Variants in UBE2L3 observed in about 807,000 individuals in gnomAD.
UBE2L3 encodes the protein ubiquitin-conjugating enzyme E2 L3.
A neutral mutation model predicts 17.8 loss-of-function variants in UBE2L3; 1 was observed. That is an observed-to-expected ratio of 0.06 (90% CI 0.02 to 0.27). UBE2L3 has a LOEUF of 0.27. UBE2L3 is among the 10% of genes least tolerant of loss of function. The pLI, the probability that UBE2L3 is intolerant of heterozygous loss-of-function variation, is 1.00. For missense variants in UBE2L3, 40 were observed against 192.6 expected (o/e 0.21, Z 4.69); for synonymous variants, 44 against 68.5 (o/e 0.64, Z 1.76).
At chr22:21,561,199 C>T (rs1453713382) in intron 1 of UBE2L3, among the ~76,000 whole-genome samples, 1 of 152,288 alleles carries the variant, frequency 6.6e-6, no homozygotes, top group East Asian at 1.9e-4. Context: ...TCAGTTTTTT[C>T]CTCTGTAAAT....
intron 1 of UBE2L3, among the ~76,000 whole-genome samples, chr22:21,562,120 G>A (rs1324923515): frequency 6.6e-6 from 1 of 151,496 alleles, no homozygotes; most frequent in African/African-American, 2.4e-5. Flanking sequence ...AACACCGTCT[G>A]GTGTTTTCCT....
intron 1 of UBE2L3, among the ~76,000 whole-genome samples, chr22:21,586,231 G>A (rs1479266482): frequency 2.0e-5 from 3 of 152,096 alleles, no homozygotes; most frequent in South Asian, 2.1e-4. Context: ...GTGAGCCACC[G>A]CCCCTGGCTC....
intron 1 of UBE2L3, among the ~76,000 whole-genome samples, chr22:21,588,276 C>G (rs1928054916): frequency 6.6e-6 from 1 of 152,110 alleles, no homozygotes; most frequent in Non-Finnish European, 1.5e-5. Context: ...AATTCCACTT[C>G]TTGGAATTTA....
intron 1 of UBE2L3, among the ~76,000 whole-genome samples, chr22:21,583,046 C>T (rs1279404666): frequency 6.6e-6 from 1 of 152,206 alleles, no homozygotes; most frequent in Non-Finnish European, 1.5e-5. Context: ...GGGGCTTGGC[C>T]ATGCACCCTG....
intron 3 of UBE2L3, among the ~76,000 whole-genome samples, chr22:21,616,718 G>C (rs1929796803): frequency 6.6e-6 from 1 of 150,468 alleles, no homozygotes; most frequent in African/African-American, 2.5e-5. Context: ...CCAGCTACTT[G>C]GGGGGCAAAA....
At chr22:21,599,589 T>C (rs191852566) in intron 2 of UBE2L3, among the ~76,000 whole-genome samples, 144 of 152,074 alleles carry the variant, frequency 9.5e-4, no homozygotes, top group Non-Finnish European at 1.8e-3. Flanking sequence ...AGGGTGACAA[T>C]ATCTGGACTG....
At chr22:21,568,501 C>A in intron 1 of UBE2L3, 1 of 907,020 alleles carries the variant, frequency 1.1e-6, no homozygotes, top group Non-Finnish European at 1.3e-6. Context: ...GGGGGGATAA[C>A]GGTTGATTTC....
Position 21,610,979 on chromosome 22 carries a change from G to A in UBE2L3, c.246G>A (p.Lys82=). Reference sequence around the variant, plus strand: ...TCTATCACCCAAACATCGACGAAAAGGGGCAGGTCTGTCTGCCAGTAATTA... The same window carrying A: ...TCTATCACCCAAACATCGACGAAAAAGGGCAGGTCTGTCTGCCAGTAATTA... ...TKIYHPNIDE[K]GQVCLPVISA... The change falls in exon 3 of 4, where the codon AAG becomes AAA. Residue 82 remains lysine (K), a synonymous_variant. Coordinates refer to ENST00000342192, the MANE Select transcript of UBE2L3 (RefSeq NM_003347.4). The A allele has an allele frequency of 1.2e-6, 2 of 1,613,156 alleles. No individual in the cohort carries two copies. Among genetic ancestry groups the A allele is most frequent in the Admixed American group, 3.3e-5 (2 of 59,760 alleles).
At chr22:21,572,703 C>CT (rs1568971038) in intron 1 of UBE2L3, among the ~76,000 whole-genome samples, 14 of 152,254 alleles carry the variant, frequency 9.2e-5, no homozygotes, top group Non-Finnish European at 1.9e-4. Context: ...GCCACAGAGA[C>CT]GTTCCTCCTG....
intron 1 of UBE2L3, among the ~76,000 whole-genome samples, chr22:21,571,388 G>A (rs1464147050): frequency 6.6e-6 from 1 of 152,158 alleles, no homozygotes; most frequent in African/African-American, 2.4e-5. Flanking sequence ...AGGGGTGTGT[G>A]TGTAATGTCT....
At chr22:21,567,257 G>A (rs974598404), upstream of UBE2L3, among the ~76,000 whole-genome samples, 1 of 151,992 alleles carries the variant, frequency 6.6e-6, no homozygotes, top group Non-Finnish European at 1.5e-5. Flanking sequence ...TCTGCCTCCC[G>A]GGTTCAAGCG....
intron 1 of UBE2L3, among the ~76,000 whole-genome samples, chr22:21,562,647 A>C (rs1926484488): frequency 6.8e-6 from 1 of 147,602 alleles, no homozygotes. Flanking sequence ...CTAGGATTAC[A>C]GGCGTGAGCC....
At chr22:21,566,386 C>A (rs1037584434), upstream of UBE2L3, among the ~76,000 whole-genome samples, 2 of 151,702 alleles carry the variant, frequency 1.3e-5, no homozygotes, top group Admixed American at 6.6e-5. Context: ...GAGTTTGAGA[C>A]CAGCCTGGGC....
intron 1 of UBE2L3, among the ~76,000 whole-genome samples, chr22:21,590,137 G>C (rs546729261): frequency 6.6e-6 from 1 of 152,050 alleles, no homozygotes; most frequent in South Asian, 2.1e-4. Context: ...GTTCCATCTT[G>C]CCATATTTTT....
At chr22:21,563,198 C>T (rs551339338), upstream of UBE2L3, among the ~76,000 whole-genome samples, 22 of 146,952 alleles carry the variant, frequency 1.5e-4, no homozygotes, top group Admixed American at 1.2e-3. Context: ...GCCGAGATTG[C>T]GCCACTGCAC....
chr22:21,572,613 C>A (rs771388892), intron 1 of UBE2L3, among the ~76,000 whole-genome samples: 1 of 152,120 alleles, frequency 6.6e-6, no homozygotes, highest in Non-Finnish European at 1.5e-5. Flanking sequence ...ATATTCTTTG[C>A]TACAGCAGTA....
chr22:21,579,569 G>A (rs1460126486), intron 1 of UBE2L3, among the ~76,000 whole-genome samples: 2 of 152,142 alleles, frequency 1.3e-5, no homozygotes, highest in African/African-American at 4.8e-5. Flanking sequence ...CTAGGAATTT[G>A]AGACCAGTCT....
At chr22:21,556,627 G>GT (rs1390390027) in intron 1 of UBE2L3, among the ~76,000 whole-genome samples, 15 of 121,772 alleles carry the variant, frequency 1.2e-4, no homozygotes, top group African/African-American at 4.6e-4. Flanking sequence ...TTTTTTTTTT[G>GT]TATTTTTTTT....
rs974694790 is a variant in UBE2L3 at position 21,623,901 on chromosome 22, C to G, written c.*2232C>G. 1 of 152,340 alleles carries G rather than the reference C, an allele frequency of 6.6e-6. No homozygotes were observed. Among genetic ancestry groups the G allele is most frequent in the Non-Finnish European group, 1.5e-5 (1 of 68,118 alleles). The allele number at this position is 152,340 out of a possible 1,614,324, so 9.4% of individuals were successfully genotyped here. On this transcript the variant is annotated 3_prime_UTR_variant, in exon 4 of 4. Coordinates refer to ENST00000342192, the MANE Select transcript of UBE2L3 (RefSeq NM_003347.4). Reference sequence around the variant, plus strand: ...GCTGCCCCAAGCTCACTCAGGAATTCACACCCGCCTGGTTTCTTGAAGTGT... The same window carrying G: ...GCTGCCCCAAGCTCACTCAGGAATTGACACCCGCCTGGTTTCTTGAAGTGT...
Sources: gnomAD v4.1 joint callset for allele counts (sites outside exome capture counted in the v4.1 genomes callset) on GRCh38, gnomAD v4.1.1 for gene constraint, MANE v1.5 for transcripts, NCBI Gene and HGNC (gene_info 2026-07-23, HGNC 2026-07-21) for gene names.